The following TAFA5 variants were observed in gnomAD, a reference collection of about 807,000 sequenced individuals.
The protein encoded by TAFA5 is TAFA chemokine like family member 5.
A neutral mutation model predicts 15.3 loss-of-function variants in TAFA5; 6 were observed. The observed-to-expected ratio is 0.39, with a 90% CI of 0.21 to 0.77. TAFA5 has a LOEUF of 0.77. Among genes scored for constraint, TAFA5 ranks in the 30% least tolerant of loss-of-function variants. TAFA5 has a pLI of 0.41. For synonymous variants in TAFA5, 103 were observed against 80.7 expected (o/e 1.28, Z -1.48); for missense variants, 161 against 193.1 (o/e 0.83, Z 0.98).
At chr22:48,564,513 A>G (rs2147134370) in intron 1 of TAFA5, among the ~76,000 whole-genome samples, 1 of 152,322 alleles carries the variant, frequency 6.6e-6, no homozygotes, top group Middle Eastern at 3.4e-3. Context: ...TGGTCTGGTC[A>G]TTGTCCTTCT....
At chr22:48,510,496 G>A (rs1371921286) in intron 1 of TAFA5, among the ~76,000 whole-genome samples, 1 of 152,246 alleles carries the variant, frequency 6.6e-6, no homozygotes, top group Non-Finnish European at 1.5e-5. Context: ...AGTGATTATA[G>A]CTGCGAGAAG....
At chr22:48,651,238 A>C (rs1927043220) in intron 2 of TAFA5, among the ~76,000 whole-genome samples, 1 of 152,136 alleles carries the variant, frequency 6.6e-6, no homozygotes. Context: ...GGTAGCCTCA[A>C]GTCTCGGTCG....
At position 48,586,672 on chromosome 22, in the gene TAFA5, G is replaced by A. The variant is rs183094880; in HGVS notation, c.113-59925G>A. Among the ~76,000 whole-genome samples, 43 of 152,360 alleles carry A rather than the reference G, an allele frequency of 2.8e-4. No individual in the cohort carries two copies. In the East Asian group the frequency reaches 6.6e-3, roughly 23 times the overall value. ...GCAGGGCTGGTGTTCTCAGGATTTT[G>A]CCTGGCTTCTCTGGATCCGGAGGTC... On this transcript the variant is annotated intron_variant, in intron 1 of 3. Transcript: ENST00000402357.
intron 2 of TAFA5, among the ~76,000 whole-genome samples, chr22:48,679,259 C>G (rs1305504988): frequency 5.9e-5 from 7 of 118,558 alleles, no homozygotes; most frequent in Admixed American, 1.6e-4. Context: ...ATCCCTCTCC[C>G]GGCTCCCCAT....
intron 3 of TAFA5, among the ~76,000 whole-genome samples, chr22:48,729,057 G>A (rs1048853158): frequency 6.6e-6 from 1 of 151,640 alleles, no homozygotes; most frequent in Non-Finnish European, 1.5e-5. Context: ...ATTTTTTCTA[G>A]GGGAAAAACT....
intron 1 of TAFA5, among the ~76,000 whole-genome samples, chr22:48,536,606 C>T (rs374912199): frequency 1.3e-3 from 203 of 152,342 alleles, no homozygotes; most frequent in African/African-American, 4.7e-3. Context: ...TTTGACATTT[C>T]GAAACCGCCT....
intron 1 of TAFA5, among the ~76,000 whole-genome samples, chr22:48,527,292 C>T (rs1921813009): frequency 6.6e-6 from 1 of 152,196 alleles, no homozygotes; most frequent in Admixed American, 6.5e-5. Flanking sequence ...CAGCCCAGGC[C>T]TGGGGGGTCT....
Position 48,749,883 on chromosome 22 carries a change from TG to T in TAFA5, c.*38del. On this transcript the variant is annotated 3_prime_UTR_variant, in exon 4 of 4. Coordinates refer to ENST00000402357, the MANE Select transcript of TAFA5 (RefSeq NM_001082967.3). ...CCCTGAGGGGCCCCGGGAGTGGCCT[TG>T]GCTCCCTGGAGAGCCCACGTCTCAG... The T allele has an allele frequency of 6.5e-7, 1 of 1,549,368 alleles. No individual in the cohort carries two copies. Among genetic ancestry groups the T allele is most frequent in the East Asian group, 2.4e-5 (1 of 41,116 alleles).
intron 2 of TAFA5, among the ~76,000 whole-genome samples, chr22:48,686,618 G>A (rs1317928003): frequency 6.6e-6 from 1 of 152,224 alleles, no homozygotes; most frequent in Non-Finnish European, 1.5e-5. Context: ...GTGAGTGGAT[G>A]GGAGAAAGAA....
At chr22:48,558,504 T>C (rs1923115792) in intron 1 of TAFA5, among the ~76,000 whole-genome samples, 5 of 152,124 alleles carry the variant, frequency 3.3e-5, no homozygotes, top group African/African-American at 7.2e-5. Flanking sequence ...AATGAAGTGA[T>C]TAAGGAGAGT....
chr22:48,652,087 C>A (rs185229092), intron 2 of TAFA5, among the ~76,000 whole-genome samples: 66 of 152,350 alleles, frequency 4.3e-4, no homozygotes, highest in Admixed American at 9.1e-4. Flanking sequence ...CCTTTCGGTT[C>A]TGAGAGGCTG....
At chr22:48,605,305 G>A (rs371651737) in intron 1 of TAFA5, among the ~76,000 whole-genome samples, 1 of 112,928 alleles carries the variant, frequency 8.9e-6, no homozygotes. Context: ...TGGTGATGGT[G>A]ATGATGGTGG....
At chr22:48,664,439 G>C (rs1395869679) in intron 2 of TAFA5, among the ~76,000 whole-genome samples, 1 of 152,298 alleles carries the variant, frequency 6.6e-6, no homozygotes, top group Middle Eastern at 3.4e-3. Flanking sequence ...TACAAAATAT[G>C]CGTGTAGACA....
At chr22:48,695,076 C>T (rs1928668717) in intron 2 of TAFA5, among the ~76,000 whole-genome samples, 1 of 151,846 alleles carries the variant, frequency 6.6e-6, no homozygotes, top group African/African-American at 2.4e-5. Flanking sequence ...TCTGAGATAC[C>T]CCATTTCCAT....
chr22:48,695,843 G>A (rs989931600), intron 2 of TAFA5, among the ~76,000 whole-genome samples: 47 of 152,204 alleles, frequency 3.1e-4, no homozygotes, highest in African/African-American at 9.4e-4. Flanking sequence ...GGCGAGGGGA[G>A]TCAGCGTGGC....
At chr22:48,622,663 G>A (rs1199992053) in intron 1 of TAFA5, among the ~76,000 whole-genome samples, 1 of 152,250 alleles carries the variant, frequency 6.6e-6, no homozygotes, top group Non-Finnish European at 1.5e-5. Context: ...ACCTGCCGTG[G>A]TACGACACTG....
At chr22:48,749,755 G>A (rs1433630352) in intron 3 of TAFA5, 84 bp from the exon 4 acceptor site, 157 of 1,485,394 alleles carry the variant, frequency 1.1e-4, no homozygotes, top group Non-Finnish European at 1.3e-4. Flanking sequence ...GGCAGGAGCC[G>A]GGGAGGGAAG....
Position 48,545,263 on chromosome 22 carries a change from C to G in TAFA5, c.112+55559C>G, listed in dbSNP as rs116749859. ...TGCCATTTGGCGTAAGGCCTCTGGTCTCGGAATTCCCTGGCACAGTGTTCC... is the reference window on the plus strand; with the variant it reads ...TGCCATTTGGCGTAAGGCCTCTGGTGTCGGAATTCCCTGGCACAGTGTTCC... On this transcript the variant is annotated intron_variant, in intron 1 of 3. Coordinates refer to ENST00000402357, the MANE Select transcript of TAFA5 (RefSeq NM_001082967.3). 512 of 256,320 alleles carry G rather than the reference C, an allele frequency of 2.0e-3. 5 individuals carry two copies. The highest frequency in any genetic ancestry group is 0.011 in the African/African-American group (494 of 45,854). The allele number at this position is 256,320 out of a possible 1,614,324, so 15.9% of individuals were successfully genotyped here.
rs986694522 is a variant in TAFA5 at position 48,654,182 on chromosome 22, A to G, written c.262+7436A>G. ...CCTTTCATAAGGGAGGCTCTTTCCC[A>G]GGGCTGTGGACACAGGGCCCCTGTG... On this transcript the variant is annotated intron_variant, in intron 2 of 3. Coordinates refer to ENST00000402357, the MANE Select transcript of TAFA5 (RefSeq NM_001082967.3). Among the ~76,000 whole-genome samples the G allele has an allele frequency of 2.0e-5, 3 of 152,094 alleles. No homozygotes were observed. In the South Asian group the frequency reaches 6.2e-4, roughly 32 times the overall value.
Sources: allele counts gnomAD v4.1 joint callset (sites outside exome capture counted in the v4.1 genomes callset), GRCh38; gene constraint gnomAD v4.1.1; transcripts MANE v1.5; gene names NCBI Gene and HGNC (gene_info 2026-07-23, HGNC 2026-07-21).